The following STPG2 variants were observed in gnomAD, a reference collection of about 807,000 sequenced individuals.
The protein encoded by STPG2 is sperm tail PG-rich repeat containing 2.
In STPG2, 56 loss-of-function variants were observed where a neutral mutation model predicts 54.2. The ratio of observed to expected loss-of-function variants is 1.03; its 90% CI spans 0.83 to 1.29. STPG2 has a LOEUF of 1.29. STPG2 is among the 50% of genes most tolerant of loss of function. The pLI, the probability that STPG2 is intolerant of heterozygous loss-of-function variation, is 0.00. For synonymous variants in STPG2, 200 were observed against 181.8 expected (o/e 1.10, Z -0.81); for missense variants, 596 against 544.9 (o/e 1.09, Z -0.93).
At chr4:98,062,260 AAAG>A (rs1313806353) in intron 5 of STPG2, among the ~76,000 whole-genome samples, 9 of 56,204 alleles carry the variant, frequency 1.6e-4, no homozygotes, top group South Asian at 6.3e-4. Flanking sequence ...TTATGAACAC[AAAG>A]AAGCAAACAA....
At chr4:97,613,238 A>T (rs979590485) in intron 10 of STPG2, among the ~76,000 whole-genome samples, 5 of 152,080 alleles carry the variant, frequency 3.3e-5, no homozygotes, top group African/African-American at 1.2e-4. Context: ...GGTCTGTCAT[A>T]GTTCCTCAGT....
In STPG2 at chr4:97,623,879, A is replaced by G. The variant is rs184103580; in HGVS notation, c.1321-64762T>C. On this transcript the variant is annotated intron_variant, in intron 10 of 10. Transcript: ENST00000295268. ...GTTTGGCTCCCCCTTATAAGTAAGA[A>G]CTTGAAGTGTTTGGTTTTCTGTTTC... Among the ~76,000 whole-genome samples the G allele has an allele frequency of 5.3e-5, 8 of 152,170 alleles. No individual in the cohort carries two copies. The East Asian group carries it at 9.7e-4, about 18-fold the overall frequency.
intron 4 of STPG2, among the ~76,000 whole-genome samples, chr4:97,551,515 A>G (rs995539568): frequency 3.3e-5 from 5 of 152,176 alleles, no homozygotes; most frequent in African/African-American, 1.2e-4. Flanking sequence ...GCCATTTCTG[A>G]TAGATTTTAC....
At chr4:97,818,526 G>A (rs1013679335) in intron 9 of STPG2, among the ~76,000 whole-genome samples, 1 of 151,272 alleles carries the variant, frequency 6.6e-6, no homozygotes, top group Admixed American at 6.6e-5. Context: ...AGGTAACTGA[G>A]GCCATAGAAA....
chr4:97,837,404 C>A (rs1288739614), intron 9 of STPG2, among the ~76,000 whole-genome samples: 2 of 151,804 alleles, frequency 1.3e-5, no homozygotes, highest in African/African-American at 2.4e-5. Context: ...GTTGAGCATA[C>A]CCCTGCCCCC....
At chr4:98,064,103 A>T (rs1256296170) in intron 5 of STPG2, among the ~76,000 whole-genome samples, 1 of 152,224 alleles carries the variant, frequency 6.6e-6, no homozygotes, top group Non-Finnish European at 1.5e-5. Context: ...ATATTCTAGG[A>T]ACAACTTTCT....
At chr4:97,855,703 A>C (rs112859093) in intron 8 of STPG2, among the ~76,000 whole-genome samples, 3,758 of 152,052 alleles carry the variant, frequency 0.025, 100 homozygotes, top group African/African-American at 0.072. Flanking sequence ...GCTTTTGTTG[A>C]AATTGCTTTC....
At chr4:98,032,872 T>A (rs1439295396) in intron 5 of STPG2, among the ~76,000 whole-genome samples, 1 of 152,030 alleles carries the variant, frequency 6.6e-6, no homozygotes, top group East Asian at 1.9e-4. Flanking sequence ...GAAGGCAGAA[T>A]AAAGATGTTA....
intron 4 of STPG2, among the ~76,000 whole-genome samples, chr4:97,506,019 CAAAAA>C (rs59206485): frequency 1.8e-4 from 3 of 16,920 alleles, no homozygotes; most frequent in African/African-American, 4.0e-4. Flanking sequence ...AATAGGAGAC[CAAAAA>C]AAAAAAAAAA....
chr4:97,515,900 C>T (rs1731066326), intron 4 of STPG2, among the ~76,000 whole-genome samples: 1 of 152,008 alleles, frequency 6.6e-6, no homozygotes, highest in African/African-American at 2.4e-5. Flanking sequence ...ATATTTTCTA[C>T]ATTTTGTTTT....
At chr4:98,077,149 T>C (rs1738191803) in intron 5 of STPG2, among the ~76,000 whole-genome samples, 1 of 152,216 alleles carries the variant, frequency 6.6e-6, no homozygotes, top group Admixed American at 6.5e-5. Flanking sequence ...TTTTAAATGT[T>C]TCTCATTTTC....
At chr4:97,806,109 C>T (rs900243181) in intron 9 of STPG2, among the ~76,000 whole-genome samples, 1 of 151,982 alleles carries the variant, frequency 6.6e-6, no homozygotes, top group Admixed American at 6.6e-5. Flanking sequence ...ACCTAGATGC[C>T]CAACAGTGGA....
At chr4:97,724,888 T>C (rs953793102) in intron 9 of STPG2, among the ~76,000 whole-genome samples, 4 of 152,140 alleles carry the variant, frequency 2.6e-5, no homozygotes, top group African/African-American at 9.7e-5. Flanking sequence ...GTATATTTAA[T>C]TTAAAAATTG....
At chr4:98,047,184 C>A (rs901217884) in intron 5 of STPG2, among the ~76,000 whole-genome samples, 4 of 152,160 alleles carry the variant, frequency 2.6e-5, no homozygotes, top group African/African-American at 9.7e-5. Flanking sequence ...TGCCAAGAAC[C>A]ATTCAGCCCC....
At chr4:97,474,637 T>C (rs1261034437) in intron 4 of STPG2, among the ~76,000 whole-genome samples, 1 of 152,178 alleles carries the variant, frequency 6.6e-6, no homozygotes, top group Non-Finnish European at 1.5e-5. Context: ...CTTATGACTT[T>C]TAGAGAGAAA....
chr4:97,465,257 T>C (rs892904455), intron 4 of STPG2, among the ~76,000 whole-genome samples: 3 of 152,194 alleles, frequency 2.0e-5, no homozygotes, highest in African/African-American at 7.2e-5. Flanking sequence ...TATCACTCTG[T>C]ATTTGTCTCT....
rs142038082 is a variant in STPG2 at position 97,687,064 on chromosome 4, C to T, written c.1320+25635G>A. On this transcript the variant is annotated intron_variant, in intron 10 of 10. Transcript: ENST00000295268. The stretch of plus-strand genomic sequence containing the variant: ...CACGCCATTCTCCTGCCTCAGCCTC[C>T]CGAGTAGCTGGGACTACAGGCGCTG... 3.3e-3 allele frequency among the ~76,000 whole-genome samples: 502 copies of T among 151,792 alleles called. 16 individuals carry two copies. The East Asian group carries it at 0.088, about 27-fold the overall frequency.
At chr4:97,740,931 G>T (rs534232826) in intron 9 of STPG2, among the ~76,000 whole-genome samples, 1 of 152,070 alleles carries the variant, frequency 6.6e-6, no homozygotes, top group Non-Finnish European at 1.5e-5. Flanking sequence ...AAAGAACAAA[G>T]CTGGAGGCAT....
intron 5 of STPG2, among the ~76,000 whole-genome samples, chr4:98,086,666 G>GAAAAAAAAAAAAAA (rs35225418): frequency 3.2e-5 from 3 of 94,902 alleles, no homozygotes; most frequent in African/African-American, 4.1e-5. Flanking sequence ...ATGCATGCCA[G>GAAAAAAAAAAAAAA]AAAAAAAAAA....
Sources: allele counts gnomAD v4.1 joint callset (sites outside exome capture counted in the v4.1 genomes callset), GRCh38; gene constraint gnomAD v4.1.1; transcripts MANE v1.5; gene names NCBI Gene and HGNC (gene_info 2026-07-23, HGNC 2026-07-21).